Variants in ACBD6 observed in about 807,000 individuals in gnomAD.
ACBD6 encodes acyl-CoA-binding domain-containing protein 6.
ACBD6 carries 28 observed loss-of-function variants against 37.2 expected under a neutral mutation model. The ratio of observed to expected loss-of-function variants is 0.75; its 90% CI spans 0.56 to 1.03. ACBD6 has a LOEUF of 1.03. Ranked by LOEUF, ACBD6 falls within the 50% of genes least tolerant of loss-of-function variation. The pLI is 0.00. For missense variants in ACBD6, 340 were observed against 337.4 expected, an observed-to-expected ratio of 1.01 and a Z score of -0.06; for synonymous variants, 113 against 126.8, an observed-to-expected ratio of 0.89 and a Z score of 0.73.
At chr1:180,391,503 A>G (rs555578385) in intron 6 of ACBD6, among the ~76,000 whole-genome samples, 1 of 113,674 alleles carries the variant, frequency 8.8e-6, no homozygotes, top group Middle Eastern at 4.4e-3. Context: ...ATCTGAATAG[A>G]AATTTCCACA....
At chr1:180,284,962 G>T (rs1387981981), downstream of ACBD6, among the ~76,000 whole-genome samples, 1 of 151,884 alleles carries the variant, frequency 6.6e-6, no homozygotes, top group Non-Finnish European at 1.5e-5. Context: ...GATCAGCCTG[G>T]GCAATACAGG....
At chr1:180,394,617 A>G (rs72714847) in intron 6 of ACBD6, among the ~76,000 whole-genome samples, 24,024 of 152,172 alleles carry the variant, frequency 0.16, 1,954 homozygotes, top group Middle Eastern at 0.22. Flanking sequence ...AGAAAACCAG[A>G]GCAATGGAAT....
At position 180,332,351 on chromosome 1, in the gene ACBD6, C is replaced by T. The variant is rs556124202; in HGVS notation, c.664-17629G>A. On this transcript the variant is annotated intron_variant, in intron 6 of 7. Transcript: ENST00000367595. ...CAGTTAAAACAGGGGTCCCCAATCC[C>T]TGTTACCTGTCCATGGCCTGTTAGG... Among the ~76,000 whole-genome samples, 5 of 152,286 alleles carry T rather than the reference C, an allele frequency of 3.3e-5. No individual in the cohort carries two copies. In the South Asian group the frequency reaches 1.0e-3, roughly 32 times the overall value.
chr1:180,453,148 A>G (rs1274969682), intron 3 of ACBD6, among the ~76,000 whole-genome samples: 1 of 152,256 alleles, frequency 6.6e-6, no homozygotes, highest in African/African-American at 2.4e-5. Context: ...CCTGATGAAC[A>G]TCGATGCAAA....
At chr1:180,300,650 T>C (rs769500591) in intron 7 of ACBD6, among the ~76,000 whole-genome samples, 3 of 152,166 alleles carry the variant, frequency 2.0e-5, no homozygotes, top group Admixed American at 2.0e-4. Flanking sequence ...TGTTTTGTTC[T>C]TTCCATGATG....
At chr1:180,396,449 G>C (rs1254557269) in intron 6 of ACBD6, among the ~76,000 whole-genome samples, 3 of 151,980 alleles carry the variant, frequency 2.0e-5, no homozygotes, top group Admixed American at 6.6e-5. Context: ...ACAAATGATA[G>C]AGTTCATCAA....
At chr1:180,416,948 C>A (rs915271093) in intron 4 of ACBD6, among the ~76,000 whole-genome samples, 9 of 152,080 alleles carry the variant, frequency 5.9e-5, no homozygotes, top group East Asian at 1.9e-4. Context: ...AACAAATATT[C>A]AATTCAATTC....
intron 6 of ACBD6, among the ~76,000 whole-genome samples, chr1:180,381,066 C>T (rs932064043): frequency 4.0e-5 from 6 of 151,870 alleles, no homozygotes; most frequent in African/African-American, 1.5e-4. Context: ...GCAGGAGTAG[C>T]TATACTTTTA....
intron 1 of ACBD6, among the ~76,000 whole-genome samples, chr1:180,498,750 C>T (rs1005842508): frequency 5.3e-5 from 8 of 151,474 alleles, no homozygotes; most frequent in African/African-American, 1.9e-4. Flanking sequence ...CACAGCTACT[C>T]GGGAAGCTGA....
chr1:180,487,147 T>C (rs750059148), intron 3 of ACBD6, among the ~76,000 whole-genome samples: 61 of 152,246 alleles, frequency 4.0e-4, no homozygotes, highest in Non-Finnish European at 7.1e-4. Context: ...AGGGCATTAT[T>C]AAGGACATTA....
At chr1:180,497,408 A>G (rs1651779432) in intron 1 of ACBD6, among the ~76,000 whole-genome samples, 1 of 152,334 alleles carries the variant, frequency 6.6e-6, no homozygotes, top group South Asian at 2.1e-4. Flanking sequence ...TAGGATATAC[A>G]TGTGGTGATG....
At position 180,358,435 on chromosome 1, in the gene ACBD6, C is replaced by A. The variant is rs564247478; in HGVS notation, c.663+39081G>T. 3.3e-4 allele frequency among the ~76,000 whole-genome samples: 5 copies of A among 15,024 alleles called. No individual in the cohort carries two copies. In the South Asian group the frequency reaches 8.4e-3, roughly 25 times the overall value. 9.9% of individuals were successfully genotyped at this position (15,024 alleles called of 152,430 possible). A position where few individuals can be genotyped will look rare whatever the true frequency, so the allele number is the denominator to read the frequency against. ...GAGCAAGACTCCGTCTCAAAAACAA[C>A]AACAACAACAACAAAAAAAAAAAAC... On this transcript the variant is annotated intron_variant, in intron 6 of 7. Coordinates refer to ENST00000367595, the MANE Select transcript of ACBD6 (RefSeq NM_032360.4).
chr1:180,327,373 G>A (rs756983659), intron 6 of ACBD6, among the ~76,000 whole-genome samples: 6 of 152,138 alleles, frequency 3.9e-5, no homozygotes, highest in African/African-American at 9.7e-5. Flanking sequence ...CTCTCTCCAC[G>A]CCACAGGGCT....
chr1:180,488,538 T>C (rs1440300612), intron 3 of ACBD6, among the ~76,000 whole-genome samples: 2 of 152,018 alleles, frequency 1.3e-5, no homozygotes, highest in Non-Finnish European at 2.9e-5. Context: ...TCTGGACTCA[T>C]ATAAATATAG....
intron 7 of ACBD6, among the ~76,000 whole-genome samples, chr1:180,302,242 C>G (rs1392157779): frequency 6.6e-6 from 1 of 151,764 alleles, no homozygotes; most frequent in Non-Finnish European, 1.5e-5. Context: ...AGACTAGTAT[C>G]TACATATATT....
intron 3 of ACBD6, among the ~76,000 whole-genome samples, chr1:180,439,680 A>T (rs1649202900): frequency 6.6e-6 from 1 of 151,528 alleles, no homozygotes; most frequent in Non-Finnish European, 1.5e-5. Context: ...AAGTGTTTCT[A>T]CCAGTTTATG....
chr1:180,317,845 T>C (rs1650874940), intron 6 of ACBD6, among the ~76,000 whole-genome samples: 1 of 150,940 alleles, frequency 6.6e-6, no homozygotes, highest in Non-Finnish European at 1.5e-5. Flanking sequence ...TCCCAATACC[T>C]TCTCTTCCCA....
chr1:180,400,432 G>A (rs1232369065), intron 5 of ACBD6, among the ~76,000 whole-genome samples: 1 of 152,140 alleles, frequency 6.6e-6, no homozygotes, highest in Non-Finnish European at 1.5e-5. Flanking sequence ...TGAATTCTCT[G>A]ACAATGACTT....
intron 6 of ACBD6, among the ~76,000 whole-genome samples, chr1:180,337,182 C>A (rs1025986880): frequency 2.0e-5 from 3 of 152,118 alleles, no homozygotes; most frequent in African/African-American, 7.2e-5. Context: ...ATACCAAAGC[C>A]TGGCAGAGAC....
Sources: allele counts gnomAD v4.1 joint callset (sites outside exome capture counted in the v4.1 genomes callset), GRCh38; gene constraint gnomAD v4.1.1; transcripts MANE v1.5; gene names NCBI Gene and HGNC (gene_info 2026-07-23, HGNC 2026-07-21).